The following GMCL1 variants were observed in gnomAD, a reference collection of about 807,000 sequenced individuals.
The protein encoded by GMCL1 is germ cell-less 1, spermatogenesis associated.
A neutral mutation model predicts 75.5 loss-of-function variants in GMCL1; 54 were observed. The ratio of observed to expected loss-of-function variants is 0.71; its 90% CI spans 0.57 to 0.90. GMCL1 has a LOEUF of 0.90. Ranked by LOEUF, GMCL1 falls within the 40% of genes least tolerant of loss-of-function variation. The pLI is 0.00. For missense variants in GMCL1, 537 were observed against 622.7 expected, an observed-to-expected ratio of 0.86 and a Z score of 1.47; for synonymous variants, 210 against 209.6, an observed-to-expected ratio of 1.00 and a Z score of -0.02.
chr2:69,853,711 A>T (rs1675384489), intron 8 of GMCL1, among the ~76,000 whole-genome samples: 1 of 152,184 alleles, frequency 6.6e-6, no homozygotes, highest in Non-Finnish European at 1.5e-5. Flanking sequence ...ATGAAAGCAC[A>T]CTGGAATGTA....
intron 11 of GMCL1, among the ~76,000 whole-genome samples, chr2:69,866,262 A>C (rs1432034322): frequency 6.6e-6 from 1 of 152,064 alleles, no homozygotes; most frequent in African/African-American, 2.4e-5. Flanking sequence ...AAAAAAAAAA[A>C]AACTGATTGT....
At chr2:69,860,218 T>G (rs923666463) in intron 9 of GMCL1, among the ~76,000 whole-genome samples, 8 of 152,088 alleles carry the variant, frequency 5.3e-5, no homozygotes, top group African/African-American at 1.9e-4. Flanking sequence ...CTAGAACTCC[T>G]GGGCTCAAGT....
At chr2:69,864,606 T>C (rs1675754923) in intron 10 of GMCL1, among the ~76,000 whole-genome samples, 1 of 150,112 alleles carries the variant, frequency 6.7e-6, no homozygotes, top group South Asian at 2.1e-4. Flanking sequence ...TTTTTTTTTT[T>C]TTTTTTGGCA....
In GMCL1 at chr2:69,859,742, T is replaced by TAAAAAAAAAAAAAAAAAAAAAAA. The variant is rs1207817401; in HGVS notation, c.1073-1520_1073-1519insAAAAAAAAAAAAAAAAAAAAAAA. 2.4e-3 allele frequency among the ~76,000 whole-genome samples: 190 copies of TAAAAAAAAAAAAAAAAAAAAAAA among 78,952 alleles called. 12 individuals carry two copies. Among genetic ancestry groups the TAAAAAAAAAAAAAAAAAAAAAAA allele is most frequent in the East Asian group, 3.8e-3 (9 of 2,386 alleles). 51.8% of individuals were successfully genotyped at this position (78,952 alleles called of 152,430 possible). A position where few individuals can be genotyped will look rare whatever the true frequency, so the allele number is the denominator to read the frequency against. ...GAGTGAGACCGTGTCTCTCTCTCTC[T>TAAAAAAAAAAAAAAAAAAAAAAA]AAAAAAAAAAAAAAAAGTATATATG... On this transcript the variant is annotated intron_variant, in intron 9 of 13. Transcript: ENST00000282570.
chr2:69,837,324 C>T (rs1201150831), intron 1 of GMCL1, among the ~76,000 whole-genome samples: 1 of 152,112 alleles, frequency 6.6e-6, no homozygotes. Context: ...CTATCTCTCC[C>T]GTGCATAGAG....
intron 9 of GMCL1, among the ~76,000 whole-genome samples, chr2:69,856,292 G>A (rs573292374): frequency 2.6e-5 from 4 of 152,158 alleles, no homozygotes; most frequent in Non-Finnish European, 4.4e-5. Flanking sequence ...CCAAACATGT[G>A]TTAACGTTAA....
intron 2 of GMCL1, among the ~76,000 whole-genome samples, chr2:69,838,390 T>C (rs1674884606): frequency 7.9e-6 from 1 of 126,930 alleles, no homozygotes; most frequent in Non-Finnish European, 1.7e-5. Flanking sequence ...TAGAATACAA[T>C]GTTGCTCTAA....
intron 4 of GMCL1, chr2:69,842,750 T>G (rs1675019793): frequency 6.5e-6 from 1 of 154,344 alleles, no homozygotes; most frequent in Admixed American, 6.5e-5. Context: ...ATACTGTTAG[T>G]TTAGTCCCAT....
intron 9 of GMCL1, among the ~76,000 whole-genome samples, chr2:69,857,723 C>G (rs1440162661): frequency 6.6e-6 from 1 of 152,136 alleles, no homozygotes; most frequent in Non-Finnish European, 1.5e-5. Flanking sequence ...GGAATTTTTA[C>G]TATGTAAATG....
Position 69,855,318 on chromosome 2 carries a change from ATTTG to A in GMCL1, c.1072+362_1072+365del, listed in dbSNP as rs545894174. On this transcript the variant is annotated intron_variant, in intron 9 of 13. Coordinates refer to ENST00000282570, the MANE Select transcript of GMCL1 (RefSeq NM_178439.5). The stretch of plus-strand genomic sequence containing the variant: ...TGATTTTTCTATTAGTGCTCCTTAA[ATTTG>A]TTTATTTTGATTTTTTCTTATTCTA... Among the ~76,000 whole-genome samples, 190 of 151,986 alleles carry A rather than the reference ATTTG, an allele frequency of 1.3e-3. 1 individual carries two copies. The highest frequency in any genetic ancestry group is 0.01 in the South Asian group (50 of 4,816).
At chr2:69,863,850 A>G (rs1675728580) in intron 10 of GMCL1, among the ~76,000 whole-genome samples, 1 of 152,078 alleles carries the variant, frequency 6.6e-6, no homozygotes, top group South Asian at 2.1e-4. Flanking sequence ...CAGCTGCATT[A>G]AATTCCTTTA....
Position 69,869,878 on chromosome 2 carries a change from T to G in GMCL1, c.1364+14T>G, listed in dbSNP as rs1314210587. On this transcript the variant is annotated intron_variant, in intron 12 of 13. Transcript: ENST00000282570. ...CATAGCATTTAGGTAGGATGAGATT[T>G]CCCCACCCCACTCCTCCTCACTCCA... is the stretch of plus-strand genomic sequence containing the variant. The G allele has an allele frequency of 1.2e-6, 2 of 1,608,750 alleles. No homozygotes were observed. Among genetic ancestry groups the G allele is most frequent in the Non-Finnish European group, 1.7e-6 (2 of 1,176,866 alleles).
chr2:69,869,735 C>G lies in GMCL1; in HGVS notation c.1235C>G (p.Thr412Arg). 1 of 1,613,792 alleles carries G rather than the reference C, an allele frequency of 6.2e-7. No homozygotes were observed. Among genetic ancestry groups the G allele is most frequent in the Non-Finnish European group, 8.5e-7 (1 of 1,179,902 alleles). ...ATTTTTTAGTACTGCTGGCGTTGGA[C>G]AGGTTTTAACTTCGGCTTCGACCTA... ...AKDGEYCWRW[T>R]GFNFGFDLLV... Residue 412 changes from threonine (T) to arginine (R), a missense_variant, in exon 12 of 14, where the codon ACA becomes AGA. This residue lies in a region of GMCL1 where 345 missense variants were observed against 410.5 expected (regional missense o/e 0.84). Transcript: ENST00000282570.
intron 13 of GMCL1, among the ~76,000 whole-genome samples, chr2:69,873,205 A>T (rs1019565884): frequency 1.3e-5 from 2 of 152,192 alleles, no homozygotes; most frequent in African/African-American, 4.8e-5. Context: ...TCAAATGGTG[A>T]GTAAGATTTC....
At chr2:69,858,477 C>T (rs1453115304) in intron 9 of GMCL1, among the ~76,000 whole-genome samples, 3 of 152,216 alleles carry the variant, frequency 2.0e-5, no homozygotes, top group Non-Finnish European at 2.9e-5. Context: ...AAAAAGGGTT[C>T]TGGCAAACTC....
chr2:69,864,750 A>AT (rs1485157803), intron 10 of GMCL1, 150 bp from the exon 11 acceptor site: 1 of 580,740 alleles, frequency 1.7e-6, no homozygotes, highest in Admixed American at 3.2e-5. Context: ...TAATGGACTA[A>AT]ATTTAATCAA....
chr2:69,869,343 G>A (rs529069979), intron 11 of GMCL1, among the ~76,000 whole-genome samples: 9 of 149,976 alleles, frequency 6.0e-5, no homozygotes, highest in East Asian at 2.0e-4. Context: ...GCTTGAACCC[G>A]GGAGGTGGAG....
At chr2:69,834,279 T>C (rs1674755337) in intron 1 of GMCL1, among the ~76,000 whole-genome samples, 1 of 152,190 alleles carries the variant, frequency 6.6e-6, no homozygotes, top group Admixed American at 6.5e-5. Flanking sequence ...ACCTCTTCCA[T>C]CCTCCTGTTC....
rs1269355594 is a variant in GMCL1 at position 69,829,715 on chromosome 2, C to G, written c.-178C>G. On this transcript the variant is annotated 5_prime_UTR_variant, in exon 1 of 14. Transcript: ENST00000282570. ...CTGCGGTGCTAGAGCGCGGCGCGAC[C>G]GGACGCTGCGGGCGGGGAAGAGGAT... 4.3e-6 allele frequency: 3 copies of G among 692,448 alleles called. No individual in the cohort carries two copies. The highest frequency in any genetic ancestry group is 6.0e-5 in the East Asian group (2 of 33,180). 42.9% of individuals were successfully genotyped at this position (692,448 alleles called of 1,614,324 possible). A position where few individuals can be genotyped will look rare whatever the true frequency, so the allele number is the denominator to read the frequency against.
Sources: gnomAD v4.1 joint callset for allele counts (sites outside exome capture counted in the v4.1 genomes callset) on GRCh38, gnomAD v4.1.1 for gene constraint, gnomAD v4.1.1 regional missense constraint, MANE v1.5 for transcripts, NCBI Gene and HGNC (gene_info 2026-07-23, HGNC 2026-07-21) for gene names.